The following DYNC1I1 variants were observed in gnomAD, a reference collection of about 807,000 sequenced individuals.
DYNC1I1 encodes dynein cytoplasmic 1 intermediate chain 1.
DYNC1I1 carries 43 observed loss-of-function variants against 86.6 expected under a neutral mutation model. The ratio of observed to expected loss-of-function variants is 0.50; its 90% confidence interval spans 0.39 to 0.64. DYNC1I1 has a LOEUF of 0.64. DYNC1I1 is among the 30% of genes least tolerant of loss of function. The probability of loss-of-function intolerance (pLI) is 0.00; values close to 1 mark genes in which losing one functional copy is unlikely to be tolerated. For missense variants in DYNC1I1, 604 were observed against 788.8 expected, an observed-to-expected ratio of 0.77 and a Z score of 2.81; for synonymous variants, 262 against 283.7, an observed-to-expected ratio of 0.92 and a Z score of 0.77.
chr7:95,957,236 A>G (rs1202278122), intron 6 of DYNC1I1, among the ~76,000 whole-genome samples: 1 of 152,240 alleles, frequency 6.6e-6, no homozygotes, highest in African/African-American at 2.4e-5. Context: ...TCTGTAAGAC[A>G]TCTCTCTGTC....
intron 5 of DYNC1I1, among the ~76,000 whole-genome samples, chr7:95,849,741 C>A (rs2116059932): frequency 1.3e-5 from 2 of 152,086 alleles, no homozygotes; most frequent in Admixed American, 6.5e-5. Flanking sequence ...ATCGTTTTTC[C>A]TAGTTCTGTA....
In DYNC1I1 at chr7:95,810,485, A is replaced by G. The variant is rs1490713800; in HGVS notation, c.202A>G (p.Ile68Val). The stretch of plus-strand genomic sequence containing the variant: ...AGAGGCTTTGCTGCAAAGCATTGGT[A>G]TCTCACCGGAGCCGCCTCTAGGTAC... ...ETEALLQSIG[I>V]SPEPPLVPTP... The change falls in exon 3 of 17, where the codon ATC becomes GTC. Residue 68 changes from isoleucine (I) to valine (V), a missense_variant. Coordinates refer to ENST00000447467, the MANE Select transcript of DYNC1I1 (RefSeq NM_001135556.2). The G allele has an allele frequency of 1.2e-6, 2 of 1,612,644 alleles. No individual in the cohort carries two copies. The highest frequency in any genetic ancestry group is 1.7e-6 in the Non-Finnish European group (2 of 1,179,244).
intron 10 of DYNC1I1, among the ~76,000 whole-genome samples, chr7:95,996,994 C>T (rs1793883339): frequency 6.6e-6 from 1 of 152,100 alleles, no homozygotes; most frequent in African/African-American, 2.4e-5. Flanking sequence ...TCTTTTTGAA[C>T]TAAAATATGT....
chr7:95,844,203 A>T (rs903068796), intron 5 of DYNC1I1, among the ~76,000 whole-genome samples: 1 of 152,190 alleles, frequency 6.6e-6, no homozygotes, highest in Non-Finnish European at 1.5e-5. Flanking sequence ...CTAGTACCTT[A>T]TAGAATATTT....
chr7:95,849,608 C>G (rs1183684375), intron 5 of DYNC1I1, among the ~76,000 whole-genome samples: 2 of 151,976 alleles, frequency 1.3e-5, no homozygotes, highest in Non-Finnish European at 2.9e-5. Flanking sequence ...CCATGCTGTT[C>G]TGATTACTTA....
At chr7:95,924,279 C>G (rs1791685238) in intron 6 of DYNC1I1, among the ~76,000 whole-genome samples, 1 of 152,170 alleles carries the variant, frequency 6.6e-6, no homozygotes, top group South Asian at 2.1e-4. Flanking sequence ...CCTTCCAATA[C>G]AATAGCCACT....
At chr7:95,932,218 T>G (rs539062153) in intron 6 of DYNC1I1, among the ~76,000 whole-genome samples, 1 of 152,318 alleles carries the variant, frequency 6.6e-6, no homozygotes, top group South Asian at 2.1e-4. Context: ...TATATTCAGC[T>G]TTTACTGTTG....
intron 6 of DYNC1I1, among the ~76,000 whole-genome samples, chr7:95,977,137 G>C (rs754857946): frequency 2.6e-5 from 4 of 152,142 alleles, no homozygotes; most frequent in Non-Finnish European, 5.9e-5. Context: ...TGTACAACAG[G>C]TGTTCCCTGT....
chr7:95,985,902 A>G (rs1247988712), intron 8 of DYNC1I1, among the ~76,000 whole-genome samples: 3 of 152,116 alleles, frequency 2.0e-5, no homozygotes, highest in African/African-American at 7.2e-5. Flanking sequence ...TATTTTGAAT[A>G]TAGATGCTCT....
At chr7:95,895,647 C>T (rs1377974725) in intron 6 of DYNC1I1, among the ~76,000 whole-genome samples, 1 of 152,004 alleles carries the variant, frequency 6.6e-6, no homozygotes, top group African/African-American at 2.4e-5. Context: ...GAAAATCATT[C>T]GAATTTGCTT....
At chr7:95,959,998 A>G (rs1320973612) in intron 6 of DYNC1I1, among the ~76,000 whole-genome samples, 4 of 152,242 alleles carry the variant, frequency 2.6e-5, no homozygotes. Flanking sequence ...GGACTTGTGC[A>G]GTGTAAGGAT....
intron 14 of DYNC1I1, among the ~76,000 whole-genome samples, chr7:96,047,680 A>G (rs1789259095): frequency 6.6e-6 from 1 of 152,250 alleles, no homozygotes; most frequent in South Asian, 2.1e-4. Context: ...ACATAAGGAG[A>G]TAGAGAGGCG....
chr7:95,782,707 G>A (rs749710136), intron 1 of DYNC1I1, among the ~76,000 whole-genome samples: 37 of 152,166 alleles, frequency 2.4e-4, no homozygotes, highest in Non-Finnish European at 4.4e-4. Context: ...ATACTTGTCC[G>A]GCATCCAGGA....
intron 5 of DYNC1I1, among the ~76,000 whole-genome samples, chr7:95,867,320 T>C (rs1584108482): frequency 6.6e-6 from 1 of 152,208 alleles, no homozygotes; most frequent in African/African-American, 2.4e-5. Flanking sequence ...CTAAACTAAG[T>C]GCTATGTAAG....
At chr7:95,845,147 T>A (rs141941067) in intron 5 of DYNC1I1, among the ~76,000 whole-genome samples, 67 of 152,336 alleles carry the variant, frequency 4.4e-4, no homozygotes, top group African/African-American at 1.5e-3. Flanking sequence ...TAGTAGGTGG[T>A]GACCTCTTCT....
At chr7:95,854,630 CAGTG>C (rs1401161162) in intron 5 of DYNC1I1, among the ~76,000 whole-genome samples, 2 of 152,096 alleles carry the variant, frequency 1.3e-5, no homozygotes, top group Non-Finnish European at 2.9e-5. Flanking sequence ...TCACTTTTAA[CAGTG>C]AGTTTCTTAG....
chr7:95,815,986 A>G (rs532533896), intron 4 of DYNC1I1, among the ~76,000 whole-genome samples: 333 of 151,338 alleles, frequency 2.2e-3, no homozygotes, highest in African/African-American at 7.6e-3. Context: ...AAGTAAAAAT[A>G]GTGCTTTAAC....
At chr7:96,021,530 G>T (rs1486243569) in intron 10 of DYNC1I1, among the ~76,000 whole-genome samples, 1 of 152,074 alleles carries the variant, frequency 6.6e-6, no homozygotes, top group African/African-American at 2.4e-5. Context: ...TATTTTACAT[G>T]CCACAAATTT....
chr7:95,919,457 A>G (rs1249853879), intron 6 of DYNC1I1, among the ~76,000 whole-genome samples: 2 of 152,228 alleles, frequency 1.3e-5, no homozygotes, highest in African/African-American at 4.8e-5. Context: ...ATGTTTCTAA[A>G]TAATTTAAAA....
Sources: gnomAD v4.1 joint callset for allele counts (sites outside exome capture counted in the v4.1 genomes callset) on GRCh38, gnomAD v4.1.1 for gene constraint, MANE v1.5 for transcripts, NCBI Gene and HGNC (gene_info 2026-07-23, HGNC 2026-07-21) for gene names.